The following B3GALT1 variants were observed in gnomAD, a reference collection of about 807,000 sequenced individuals.
The protein encoded by B3GALT1 is beta-1,3-galactosyltransferase 1, also known as UDP-Gal:betaGlcNAc beta 1,3-galactosyltransferase, polypeptide 1.
A neutral mutation model predicts 23.2 loss-of-function variants in B3GALT1; 10 were observed. The ratio of observed to expected loss-of-function variants is 0.43; its 90% confidence interval spans 0.27 to 0.73. The LOEUF (loss-of-function observed/expected upper bound fraction) is 0.73. Ranked by LOEUF, B3GALT1 falls within the 30% of genes least tolerant of loss-of-function variation. The probability of loss-of-function intolerance (pLI) is 0.21; values close to 1 mark genes in which losing one functional copy is unlikely to be tolerated. For missense variants in B3GALT1, 299 were observed against 405.4 expected (o/e 0.74, Z 2.25); for synonymous variants, 156 against 141.5 (o/e 1.10, Z -0.73).
At chr2:167,556,792 T>A (rs1264246217) in intron 2 of B3GALT1, among the ~76,000 whole-genome samples, 1 of 152,220 alleles carries the variant, frequency 6.6e-6, no homozygotes, top group African/African-American at 2.4e-5. Context: ...TGCTACACTA[T>A]TCTCATTTAA....
intron 4 of B3GALT1, among the ~76,000 whole-genome samples, chr2:167,854,445 C>T (rs1423787011): frequency 1.3e-5 from 2 of 152,160 alleles, no homozygotes; most frequent in African/African-American, 4.8e-5. Flanking sequence ...TTTTAGTGGA[C>T]ACGTTATTGC....
intron 3 of B3GALT1, among the ~76,000 whole-genome samples, chr2:167,787,522 C>G (rs836695): frequency 0.81 from 123,800 of 152,242 alleles, 50,967 homozygotes; most frequent in African/African-American, 0.95. Context: ...GAAATAATGA[C>G]AGCATAAATG....
chr2:167,749,589 AAC>A (rs1687702030), intron 3 of B3GALT1, among the ~76,000 whole-genome samples: 1 of 152,218 alleles, frequency 6.6e-6, no homozygotes, highest in African/African-American at 2.4e-5. Context: ...CTGAGGGATC[AAC>A]TTTTAATCAA....
intron 3 of B3GALT1, among the ~76,000 whole-genome samples, chr2:167,719,232 A>G (rs1687195465): frequency 6.6e-6 from 1 of 152,078 alleles, no homozygotes; most frequent in African/African-American, 2.4e-5. Context: ...CTCATTTTCT[A>G]TGTTTTTGTG....
At chr2:167,629,772 C>T (rs1178262304) in intron 2 of B3GALT1, among the ~76,000 whole-genome samples, 1 of 151,710 alleles carries the variant, frequency 6.6e-6, no homozygotes, top group East Asian at 1.9e-4. Context: ...ACCTTGCATG[C>T]CACACTTTGT....
At chr2:167,852,284 C>T (rs769466541) in intron 4 of B3GALT1, among the ~76,000 whole-genome samples, 1 of 152,110 alleles carries the variant, frequency 6.6e-6, no homozygotes, top group Non-Finnish European at 1.5e-5. Flanking sequence ...ACTGCTCTTA[C>T]TGGATAAGAC....
At chr2:167,529,673 A>G (rs1268008957) in intron 2 of B3GALT1, among the ~76,000 whole-genome samples, 1 of 151,532 alleles carries the variant, frequency 6.6e-6, no homozygotes, top group Admixed American at 6.6e-5. Flanking sequence ...AAACTTTTAG[A>G]TTCATCCTTG....
intron 1 of B3GALT1, among the ~76,000 whole-genome samples, chr2:167,314,060 A>G (rs1013880197): frequency 2.0e-5 from 3 of 152,142 alleles, no homozygotes; most frequent in African/African-American, 7.2e-5. Context: ...CTTTACACAC[A>G]AAAGACTTTG....
At chr2:167,519,239 G>A (rs995454683) in intron 2 of B3GALT1, among the ~76,000 whole-genome samples, 5 of 152,130 alleles carry the variant, frequency 3.3e-5, no homozygotes, top group South Asian at 2.1e-4. Flanking sequence ...TGGAATTGGC[G>A]GGCATACTGA....
intron 3 of B3GALT1, among the ~76,000 whole-genome samples, chr2:167,692,821 T>A (rs886851765): frequency 6.6e-6 from 1 of 152,136 alleles, no homozygotes; most frequent in Non-Finnish European, 1.5e-5. Context: ...TTAATTTTTT[T>A]AATCACTGGG....
intron 2 of B3GALT1, among the ~76,000 whole-genome samples, chr2:167,505,595 G>C (rs1209993128): frequency 6.6e-6 from 1 of 152,166 alleles, no homozygotes; most frequent in African/African-American, 2.4e-5. Flanking sequence ...AGTTGATCAT[G>C]AGGTGTTCAG....
chr2:167,440,292 A>G (rs1227970038), intron 1 of B3GALT1, among the ~76,000 whole-genome samples: 2 of 150,624 alleles, frequency 1.3e-5, no homozygotes, highest in South Asian at 2.1e-4. Flanking sequence ...GCAGTGAGCC[A>G]AGATTGCACC....
At chr2:167,369,752 G>C (rs1298874107) in intron 1 of B3GALT1, among the ~76,000 whole-genome samples, 1 of 152,160 alleles carries the variant, frequency 6.6e-6, no homozygotes, top group Non-Finnish European at 1.5e-5. Flanking sequence ...CAAGGAAAGG[G>C]ATATGTGATA....
At chr2:167,433,530 T>C (rs1698735900) in intron 1 of B3GALT1, among the ~76,000 whole-genome samples, 1 of 152,150 alleles carries the variant, frequency 6.6e-6, no homozygotes, top group South Asian at 2.1e-4. Context: ...GAGGGATTAT[T>C]AAAATGGAGC....
At chr2:167,712,562 A>G (rs1273934190) in intron 3 of B3GALT1, among the ~76,000 whole-genome samples, 1 of 151,982 alleles carries the variant, frequency 6.6e-6, no homozygotes, top group Non-Finnish European at 1.5e-5. Flanking sequence ...ATGATTTTTT[A>G]AAGTTTTGCG....
intron 3 of B3GALT1, among the ~76,000 whole-genome samples, chr2:167,758,459 A>G (rs1255595678): frequency 6.6e-6 from 1 of 152,178 alleles, no homozygotes; most frequent in Non-Finnish European, 1.5e-5. Flanking sequence ...AAGCCCAGGA[A>G]TGGGCTCGGC....
At chr2:167,813,969 C>T (rs1574277016) in intron 3 of B3GALT1, among the ~76,000 whole-genome samples, 2 of 125,848 alleles carry the variant, frequency 1.6e-5, no homozygotes, top group South Asian at 5.0e-4. Flanking sequence ...AAAATCTTCT[C>T]CTACCTTCTG....
At chr2:167,862,309 G>A (rs139685837) in intron 4 of B3GALT1, among the ~76,000 whole-genome samples, 130 of 152,292 alleles carry the variant, frequency 8.5e-4, no homozygotes, top group African/African-American at 3.1e-3. Flanking sequence ...AGCCAATGTT[G>A]TAAATCGCAG....
At position 167,504,743 on chromosome 2, in the gene B3GALT1, C is replaced by T. The variant is rs574294120; in HGVS notation, c.-410+14466C>T. ...TTTAATGTTTAGAAATGTTTGAATA[C>T]ACAGATACTTAGCATTGTGTTACAA... On this transcript the variant is annotated intron_variant, in intron 2 of 4. Coordinates refer to ENST00000392690, the MANE Select transcript of B3GALT1 (RefSeq NM_020981.4). Among the ~76,000 whole-genome samples, 10 of 152,212 alleles carry T rather than the reference C, an allele frequency of 6.6e-5. No individual in the cohort carries two copies. In the South Asian group the frequency reaches 2.1e-3, roughly 32 times the overall value.
Sources: gnomAD v4.1 joint callset for allele counts (sites outside exome capture counted in the v4.1 genomes callset) on GRCh38, gnomAD v4.1.1 for gene constraint, MANE v1.5 for transcripts, NCBI Gene and HGNC (gene_info 2026-07-23, HGNC 2026-07-21) for gene names.